The following JDP2 variants were observed in gnomAD, a reference collection of about 807,000 sequenced individuals.
JDP2 encodes Jun dimerization protein 2.
In JDP2, 9 loss-of-function variants were observed where a neutral mutation model predicts 17.1. The ratio of observed to expected loss-of-function variants is 0.53; its 90% confidence interval spans 0.32 to 0.92. The LOEUF is 0.92. JDP2 is among the 40% of genes least tolerant of loss of function. The pLI is 0.04. For missense variants in JDP2, 179 were observed against 220.0 expected (o/e 0.81, Z 1.18); for synonymous variants, 107 against 95.6 (o/e 1.12, Z -0.69).
intron 2 of JDP2, among the ~76,000 whole-genome samples, chr14:75,439,991 C>T (rs1473668856): frequency 6.6e-6 from 1 of 152,174 alleles, no homozygotes; most frequent in East Asian, 1.9e-4. Flanking sequence ...CACCTCTCTC[C>T]TCTGCAAAAG....
chr14:75,461,587 T>G (rs1482631185), intron 3 of JDP2, 57 bp downstream of exon 3: 1 of 1,344,390 alleles, frequency 7.4e-7, no homozygotes, highest in South Asian at 1.2e-5. Flanking sequence ...GCTTGTGTAC[T>G]CTGGACCAGG....
In JDP2 at chr14:75,428,103, G is replaced by T; in HGVS notation, c.-173G>T. 1 of 146,790 alleles carries T rather than the reference G, an allele frequency of 6.8e-6. No homozygotes were observed. The highest frequency in any genetic ancestry group is 1.9e-4 in the South Asian group (1 of 5,262). 9.1% of individuals were successfully genotyped at this position (146,790 alleles called of 1,614,324 possible). A position where few individuals can be genotyped will look rare whatever the true frequency, so the allele number is the denominator to read the frequency against. ...CGGCGGCGGACGCTGCAGCGGCGGC[G>T]GGGCTGGCGCCGCGGCGGCTCCCGG... On this transcript the variant is annotated 5_prime_UTR_variant, in exon 1 of 4. Transcript: ENST00000651602. The surrounding 1 kb of genome is among the most constrained non-coding windows in gnomAD (Gnocchi z 5.6).
At position 75,430,232 on chromosome 14, in the gene JDP2, C is replaced by A. The variant is rs1884734157; in HGVS notation, c.-24+1980C>A. Among the ~76,000 whole-genome samples, 3 of 152,154 alleles carry A rather than the reference C, an allele frequency of 2.0e-5. No homozygotes were observed. The South Asian group carries it at 6.2e-4, about 32-fold the overall frequency. On this transcript the variant is annotated intron_variant, in intron 1 of 3. Coordinates refer to ENST00000651602, the MANE Select transcript of JDP2 (RefSeq NM_001135048.2). This position sits in a 1 kb window ranked among gnomAD's most constrained non-coding sequence, Gnocchi z 4.5. ...GTTTGTCGTGGGGCTACTGGTGTTGCAATGGGCTGTCTCTCTCGAGTGTCT... is the reference window on the plus strand; with the variant it reads ...GTTTGTCGTGGGGCTACTGGTGTTGAAATGGGCTGTCTCTCTCGAGTGTCT...
chr14:75,450,132 G>A (rs1016481941), intron 2 of JDP2, among the ~76,000 whole-genome samples: 1 of 152,192 alleles, frequency 6.6e-6, no homozygotes, highest in Non-Finnish European at 1.5e-5. Flanking sequence ...GCTGCATCTG[G>A]CTGAGATACG....
At chr14:75,455,228 G>A (rs780357921) in intron 2 of JDP2, among the ~76,000 whole-genome samples, 5 of 152,156 alleles carry the variant, frequency 3.3e-5, no homozygotes, top group East Asian at 1.9e-4. Flanking sequence ...GCTTGGGTGA[G>A]GCTGATTGTG....
intron 2 of JDP2, chr14:75,445,138 G>C (rs750341775): frequency 2.7e-5 from 27 of 985,150 alleles, no homozygotes; most frequent in Non-Finnish European, 3.1e-5. Context: ...TCCTCTCCTG[G>C]GTGAGGCTCA....
intron 2 of JDP2, among the ~76,000 whole-genome samples, chr14:75,442,992 C>T (rs566625110): frequency 7.9e-5 from 12 of 152,158 alleles, no homozygotes; most frequent in East Asian, 1.9e-4. Context: ...ACATGGGGAC[C>T]GGATCCGTGT....
chr14:75,472,804 T>G lies in JDP2; in HGVS notation c.*3329T>G, dbSNP rs1886842605. ...AAGATGGGCTGCCAAGTTTGTGTTCTGACCCTGTACGTGGTCCCTATGGTG... is the reference window on the plus strand; with the variant it reads ...AAGATGGGCTGCCAAGTTTGTGTTCGGACCCTGTACGTGGTCCCTATGGTG... On this transcript the variant is annotated 3_prime_UTR_variant, in exon 4 of 4. Transcript: ENST00000651602. 1 of 152,344 alleles carries G rather than the reference T, an allele frequency of 6.6e-6. No homozygotes were observed. Among genetic ancestry groups the G allele is most frequent in the Non-Finnish European group, 1.5e-5 (1 of 68,072 alleles). The allele number at this position is 152,344 out of a possible 1,614,324, so 9.4% of individuals were successfully genotyped here.
At chr14:75,437,253 C>T (rs1468417399) in intron 1 of JDP2, among the ~76,000 whole-genome samples, 2 of 151,910 alleles carry the variant, frequency 1.3e-5, no homozygotes, top group Non-Finnish European at 2.9e-5. Context: ...TTAATTCCAC[C>T]TGCTTTGCCT....
At position 75,445,037 on chromosome 14, in the gene JDP2, G is replaced by T. The variant is rs1349192163; in HGVS notation, c.201+6916G>T. 4 of 913,378 alleles carry T rather than the reference G, an allele frequency of 4.4e-6. No individual in the cohort carries two copies. The African/African-American group carries it at 7.2e-5, about 16-fold the overall frequency. 56.6% of individuals were successfully genotyped at this position (913,378 alleles called of 1,614,324 possible). On this transcript the variant is annotated intron_variant, in intron 2 of 3. Coordinates refer to ENST00000651602, the MANE Select transcript of JDP2 (RefSeq NM_001135048.2). ...ACCAACAATCTTTTAGCAGCCTTAAGAAGGGCTGTCAAGTCTTCTGTCAAT... is the reference window on the plus strand; with the variant it reads ...ACCAACAATCTTTTAGCAGCCTTAATAAGGGCTGTCAAGTCTTCTGTCAAT...
chr14:75,440,553 C>T (rs1170412710), intron 2 of JDP2, among the ~76,000 whole-genome samples: 3 of 152,322 alleles, frequency 2.0e-5, no homozygotes, highest in Non-Finnish European at 4.4e-5. Context: ...GTCCCAGGAC[C>T]TGCACAAAGT....
In JDP2 at chr14:75,471,114, T is replaced by G. The variant is rs181972739; in HGVS notation, c.*1639T>G. The G allele has an allele frequency of 6.6e-6, 1 of 152,336 alleles. No individual in the cohort carries two copies. The highest frequency in any genetic ancestry group is 2.4e-5 in the African/African-American group (1 of 41,554). 9.4% of individuals were successfully genotyped at this position (152,336 alleles called of 1,614,324 possible). A position where few individuals can be genotyped will look rare whatever the true frequency, so the allele number is the denominator to read the frequency against. On this transcript the variant is annotated 3_prime_UTR_variant, in exon 4 of 4. Transcript: ENST00000651602. ...CAACCCACTATGATTGTCCTCATGG[T>G]TGAATAGGAAGCTTATGAGGCCACA...
intron 2 of JDP2, among the ~76,000 whole-genome samples, chr14:75,454,557 T>G (rs1886015040): frequency 6.6e-6 from 1 of 152,172 alleles, no homozygotes; most frequent in South Asian, 2.1e-4. Context: ...ACTGAGATAT[T>G]TATATAGATT....
chr14:75,454,365 A>G (rs1398455525), intron 2 of JDP2, among the ~76,000 whole-genome samples: 2 of 152,210 alleles, frequency 1.3e-5, no homozygotes, highest in Admixed American at 1.3e-4. Flanking sequence ...GCTGTCACTG[A>G]GCATCTACGC....
At chr14:75,433,547 C>CTTT (rs11447816) in intron 1 of JDP2, among the ~76,000 whole-genome samples, 1 of 116,682 alleles carries the variant, frequency 8.6e-6, no homozygotes, top group African/African-American at 3.6e-5. Context: ...GCTCTCAGAC[C>CTTT]TTTTTTTTTT....
intron 2 of JDP2, among the ~76,000 whole-genome samples, chr14:75,453,331 C>G (rs1460646472): frequency 6.6e-6 from 1 of 152,182 alleles, no homozygotes; most frequent in Non-Finnish European, 1.5e-5. Flanking sequence ...CCTGGTGGGC[C>G]TGGCTGGCTG....
At position 75,461,544 on chromosome 14, in the gene JDP2, G is replaced by A. The variant is rs1210965819; in HGVS notation, c.306+14G>A. Reference sequence around the variant, plus strand: ...TTTCTGCAGCGGGTGAGCTGACCGGGTGGGTGGGGAGGCCTGCCATTCCTT... The same window carrying A: ...TTTCTGCAGCGGGTGAGCTGACCGGATGGGTGGGGAGGCCTGCCATTCCTT... On this transcript the variant is annotated intron_variant, in intron 3 of 3. Transcript: ENST00000651602. The A allele has an allele frequency of 3.2e-6, 5 of 1,583,280 alleles. No homozygotes were observed. Among genetic ancestry groups the A allele is most frequent in the East Asian group, 2.3e-5 (1 of 44,092 alleles).
At chr14:75,463,066 C>T (rs1009082104) in intron 3 of JDP2, among the ~76,000 whole-genome samples, 5 of 152,322 alleles carry the variant, frequency 3.3e-5, no homozygotes, top group South Asian at 2.1e-4. Flanking sequence ...AGAAGCTTCA[C>T]GTGAGATCCC....
intron 2 of JDP2, among the ~76,000 whole-genome samples, chr14:75,457,427 G>A (rs1322769397): frequency 2.0e-5 from 3 of 152,358 alleles, no homozygotes; most frequent in African/African-American, 7.2e-5. Flanking sequence ...AAGGCAGAGG[G>A]GATCTGCCAA....
Sources: allele counts gnomAD v4.1 joint callset (sites outside exome capture counted in the v4.1 genomes callset), GRCh38; gene constraint gnomAD v4.1.1; non-coding constraint Gnocchi (gnomAD v3.1); transcripts MANE v1.5; gene names NCBI Gene and HGNC (gene_info 2026-07-23, HGNC 2026-07-21).